APP: variants seen among roughly 807,000 people sequenced by gnomAD.
APP encodes amyloid-beta precursor protein.
APP carries 31 observed loss-of-function variants against 101.4 expected under a neutral mutation model. The ratio of observed to expected loss-of-function variants is 0.31; its 90% CI spans 0.23 to 0.41. The LOEUF (loss-of-function observed/expected upper bound fraction) is 0.41, where lower values mean the gene tolerates loss of function less well. Ranked by LOEUF, APP falls within the 10% of genes least tolerant of loss-of-function variation. APP has a pLI of 1.00. For missense variants in APP, 839 were observed against 1,003.7 expected (o/e 0.84, Z 2.22); for synonymous variants, 366 against 364.4 (o/e 1.00, Z -0.05).
chr21:26,017,409 CA>C (rs373376674), intron 6 of APP, among the ~76,000 whole-genome samples: 3,653 of 111,066 alleles, frequency 0.033, 152 homozygotes, highest in African/African-American at 0.12. Context: ...AATCCCGTGT[CA>C]AAAAAAAAAA....
chr21:26,043,563 G>A (rs2045471395), intron 5 of APP, among the ~76,000 whole-genome samples: 1 of 152,078 alleles, frequency 6.6e-6, no homozygotes, highest in African/African-American at 2.4e-5. Flanking sequence ...AGTTAGTTTT[G>A]GTGACACTAT....
At chr21:26,036,759 T>C (rs989296376) in intron 5 of APP, among the ~76,000 whole-genome samples, 1 of 152,164 alleles carries the variant, frequency 6.6e-6, no homozygotes, top group African/African-American at 2.4e-5. Flanking sequence ...AGTACAACCA[T>C]TTGAGGATAG....
At chr21:26,104,828 A>G (rs1214501284) in intron 2 of APP, among the ~76,000 whole-genome samples, 13 of 152,222 alleles carry the variant, frequency 8.5e-5, no homozygotes, top group Admixed American at 8.5e-4. Context: ...TAAACTTGTG[A>G]GCAAAAAGTC....
chr21:25,899,385 G>A (rs2038288215), intron 15 of APP, among the ~76,000 whole-genome samples: 1 of 152,224 alleles, frequency 6.6e-6, no homozygotes, highest in African/African-American at 2.4e-5. Context: ...TGGTCGGGAT[G>A]TAGTGACTTG....
chr21:25,982,004 A>G (rs1309617249), intron 9 of APP, among the ~76,000 whole-genome samples: 2 of 152,208 alleles, frequency 1.3e-5, no homozygotes, highest in Non-Finnish European at 2.9e-5. Flanking sequence ...TCTTTACTAA[A>G]GAGCATTTTG....
At chr21:26,075,002 T>C (rs776865744) in intron 3 of APP, among the ~76,000 whole-genome samples, 7 of 152,232 alleles carry the variant, frequency 4.6e-5, no homozygotes, top group Non-Finnish European at 1.0e-4. Flanking sequence ...AAACCTGCTC[T>C]TCCTTTGTTG....
intron 13 of APP, chr21:25,942,643 G>A (rs908521907): frequency 3.9e-5 from 6 of 152,160 alleles, no homozygotes; most frequent in Non-Finnish European, 7.3e-5. Context: ...GTCTGGCAAT[G>A]ACAAAGAATG....
chr21:26,029,179 C>T (rs1204471132), intron 5 of APP, among the ~76,000 whole-genome samples: 1 of 152,082 alleles, frequency 6.6e-6, no homozygotes, highest in African/African-American at 2.4e-5. Context: ...CATAGTGTTA[C>T]CCAGTACGGT....
At chr21:26,100,960 G>C (rs2062041570) in intron 2 of APP, among the ~76,000 whole-genome samples, 1 of 152,170 alleles carries the variant, frequency 6.6e-6, no homozygotes, top group African/African-American at 2.4e-5. Flanking sequence ...CTGCCCTGCA[G>C]TGTAAGTTAC....
intron 3 of APP, among the ~76,000 whole-genome samples, chr21:26,061,275 CTGTGTAGA>C (rs143027476): frequency 0.049 from 7,456 of 152,234 alleles, 256 homozygotes; most frequent in South Asian, 0.096. Context: ...CCTAATTTTT[CTGTGTAGA>C]TGTGTAGACA....
At chr21:25,901,675 CA>C (rs1325376634) in intron 15 of APP, among the ~76,000 whole-genome samples, 2 of 152,198 alleles carry the variant, frequency 1.3e-5, no homozygotes, top group Admixed American at 1.3e-4. Flanking sequence ...CCTTGGTTTG[CA>C]GGCTTACTTA....
chr21:25,998,361 C>T (rs2043137333), intron 7 of APP, among the ~76,000 whole-genome samples: 1 of 147,044 alleles, frequency 6.8e-6, no homozygotes, highest in African/African-American at 2.6e-5. Flanking sequence ...TCCTTTGAGC[C>T]AGAAGCTGCA....
chr21:26,163,739 T>C (rs1393281516), intron 1 of APP, among the ~76,000 whole-genome samples: 1 of 152,190 alleles, frequency 6.6e-6, no homozygotes, highest in East Asian at 1.9e-4. Context: ...TGCTTCTTGA[T>C]TTTTCCCTGC....
At chr21:26,029,876 C>G (rs544066695) in intron 5 of APP, among the ~76,000 whole-genome samples, 10 of 152,216 alleles carry the variant, frequency 6.6e-5, no homozygotes, top group African/African-American at 2.4e-4. Context: ...GTAAAAATGA[C>G]CATTTAAAGT....
intron 6 of APP, among the ~76,000 whole-genome samples, chr21:26,007,686 T>C (rs1471156218): frequency 2.0e-5 from 3 of 151,842 alleles, no homozygotes; most frequent in Admixed American, 1.3e-4. Context: ...CAGACAATAT[T>C]TGCATTTGAT....
chr21:26,026,244 A>G (rs530317394), intron 5 of APP, among the ~76,000 whole-genome samples: 18 of 152,346 alleles, frequency 1.2e-4, no homozygotes, highest in African/African-American at 3.6e-4. Context: ...GTGGCTATCA[A>G]TTTATAGTGG....
intron 13 of APP, among the ~76,000 whole-genome samples, chr21:25,947,178 C>T (rs2040860171): frequency 6.6e-6 from 1 of 152,162 alleles, no homozygotes; most frequent in Non-Finnish European, 1.5e-5. Context: ...CACAGATCAT[C>T]TGGATGACAT....
intron 3 of APP, 175 bp downstream of exon 3, chr21:26,089,768 C>T (rs1166429524): frequency 2.3e-6 from 2 of 853,320 alleles, no homozygotes; most frequent in Non-Finnish European, 3.5e-6. Flanking sequence ...AAAAATACTG[C>T]TCCTATAGGG....
chr21:26,103,408 C>G (rs1446328317), intron 2 of APP, among the ~76,000 whole-genome samples: 3 of 152,080 alleles, frequency 2.0e-5, no homozygotes, highest in Non-Finnish European at 4.4e-5. Flanking sequence ...CAAGACCAGC[C>G]TAGCCAACAT....
Sources: gnomAD v4.1 joint callset for allele counts (sites outside exome capture counted in the v4.1 genomes callset) on GRCh38, gnomAD v4.1.1 for gene constraint, MANE v1.5 for transcripts, NCBI Gene and HGNC (gene_info 2026-07-23, HGNC 2026-07-21) for gene names.